ZRANB1: variants seen among roughly 807,000 people sequenced by gnomAD.
ZRANB1 encodes zinc finger RANBP2-type containing 1, also known as ubiquitin thioesterase ZRANB1.
Under a neutral mutation model 80.5 loss-of-function variants are expected in ZRANB1, and 16 were observed. The ratio of observed to expected loss-of-function variants is 0.20; its 90% confidence interval spans 0.13 to 0.30. The LOEUF is 0.30. Ranked by LOEUF, ZRANB1 falls within the 10% of genes least tolerant of loss-of-function variation. The pLI is 1.00. For synonymous variants in ZRANB1, 291 were observed against 293.1 expected (o/e 0.99, Z 0.07); for missense variants, 576 against 862.6 (o/e 0.67, Z 4.16).
chr10:124,944,956 T>C (rs1398470892), intron 1 of ZRANB1, among the ~76,000 whole-genome samples: 1 of 152,036 alleles, frequency 6.6e-6, no homozygotes, highest in Admixed American at 6.5e-5. Context: ...CTATCTTCTG[T>C]CTGTGTTGTC....
intron 1 of ZRANB1, chr10:124,945,474 G>A (rs1951574400): frequency 6.9e-6 from 1 of 145,442 alleles, no homozygotes; most frequent in Non-Finnish European, 1.5e-5. Flanking sequence ...CTACAAGGTG[G>A]TGTTATAGTA....
intron 1 of ZRANB1, among the ~76,000 whole-genome samples, chr10:124,955,261 G>C (rs1951680029): frequency 6.6e-6 from 1 of 151,298 alleles, no homozygotes; most frequent in Non-Finnish European, 1.5e-5. Context: ...TTTGAAACAG[G>C]GTCTTACTGT....
chr10:124,951,746 C>G (rs1320093071), intron 1 of ZRANB1, among the ~76,000 whole-genome samples: 2 of 152,056 alleles, frequency 1.3e-5, no homozygotes, highest in Non-Finnish European at 2.9e-5. Context: ...CACTTGAGGT[C>G]AGGAGTTCAA....
chr10:124,938,253 G>T (rs184564828), upstream of ZRANB1, among the ~76,000 whole-genome samples: 32 of 152,188 alleles, frequency 2.1e-4, no homozygotes, highest in Non-Finnish European at 4.0e-4. Flanking sequence ...ACATAGTTCA[G>T]TTGATGTTAT....
rs1952051069 is a variant in ZRANB1, at chr10:124,986,622, T to TTTG, written c.*1633_*1635dup. On this transcript the variant is annotated 3_prime_UTR_variant, in exon 9 of 9. Coordinates refer to ENST00000359653, the MANE Select transcript of ZRANB1 (RefSeq NM_017580.3). The stretch of plus-strand genomic sequence containing the variant: ...CTTTGATATAATGTAAATGCTGCTG[T>TTTG]TTGTTTCAAGTGGTGAATGTGTTGT... The TTTG allele has an allele frequency of 1.3e-5, 2 of 152,292 alleles. No homozygotes were observed. Among genetic ancestry groups the TTTG allele is most frequent in the African/African-American group, 4.8e-5 (2 of 41,570 alleles). 9.4% of individuals were successfully genotyped at this position (152,292 alleles called of 1,614,324 possible).
At position 124,983,954 on chromosome 10, in the gene ZRANB1, T is replaced by G. The variant is rs1213912880; in HGVS notation, c.1908+266T>G. Among the ~76,000 whole-genome samples, 1 of 151,988 alleles carries G rather than the reference T, an allele frequency of 6.6e-6. No individual in the cohort carries two copies. Among genetic ancestry groups the G allele is most frequent in the Admixed American group, 6.6e-5 (1 of 15,258 alleles). ...GATTTAAATATGGCATTTTAGGGAA[T>G]GAGAAGTGAGTTTTTATCTGAAAGC... On this transcript the variant is annotated intron_variant, in intron 8 of 8. Transcript: ENST00000359653. This position sits in a 1 kb window ranked among gnomAD's most constrained non-coding sequence, Gnocchi z 6.2.
chr10:124,923,265 A>G, the ZRANB1 span, among the ~76,000 whole-genome samples: 1 of 149,362 alleles, frequency 6.7e-6, no homozygotes, highest in African/African-American at 2.6e-5. Context: ...GCGACAGAGC[A>G]AGACTCTGTC....
the ZRANB1 span, among the ~76,000 whole-genome samples, chr10:124,924,697 TTATC>T: frequency 6.6e-6 from 1 of 152,344 alleles, no homozygotes; most frequent in African/African-American, 2.4e-5. Context: ...AGCATTTTGT[TTATC>T]CATTCATTGA....
chr10:124,943,867 T>C (rs928280783), intron 1 of ZRANB1, among the ~76,000 whole-genome samples: 32 of 152,222 alleles, frequency 2.1e-4, no homozygotes, highest in African/African-American at 7.5e-4. Context: ...CTTGTGATGA[T>C]AGAAGCTTTA....
chr10:124,960,864 G>A (rs937847396), intron 1 of ZRANB1, among the ~76,000 whole-genome samples: 9 of 152,180 alleles, frequency 5.9e-5, no homozygotes, highest in Non-Finnish European at 1.2e-4. Flanking sequence ...GGGTAACTTG[G>A]CAGTGTGGCA....
At chr10:124,922,336 A>ATATATATAT in the ZRANB1 span, among the ~76,000 whole-genome samples, 42 of 44,760 alleles carry the variant, frequency 9.4e-4, no homozygotes, top group South Asian at 1.0e-3. Flanking sequence ...GTATATATAT[A>ATATATATAT]TTTTTTTTTT....
chr10:124,935,749 C>A, the ZRANB1 span, among the ~76,000 whole-genome samples: 1 of 152,230 alleles, frequency 6.6e-6, no homozygotes, highest in East Asian at 1.9e-4. Context: ...AGTCATTCAA[C>A]ATGGCCTCTT....
chr10:124,937,100 T>G, the ZRANB1 span, among the ~76,000 whole-genome samples: 1 of 151,926 alleles, frequency 6.6e-6, no homozygotes, highest in Non-Finnish European at 1.5e-5. Context: ...GTAGTATAAC[T>G]TCTCATCATT....
At position 124,983,704 on chromosome 10, in the gene ZRANB1, T is replaced by A. The variant is rs535997447; in HGVS notation, c.1908+16T>A. 2.6e-5 allele frequency: 40 copies of A among 1,550,136 alleles called. No homozygotes were observed. The South Asian group carries it at 3.2e-4, about 12-fold the overall frequency. ...TGCTCAGGAGGTAAGCAGTTTCTCC[T>A]ATGAACTATTTCTAGTAGTGACCTT... On this transcript the variant is annotated intron_variant, in intron 8 of 8. Coordinates refer to ENST00000359653, the MANE Select transcript of ZRANB1 (RefSeq NM_017580.3). This position sits in a 1 kb window ranked among gnomAD's most constrained non-coding sequence, Gnocchi z 6.2.
chr10:124,922,618 G>C, the ZRANB1 span, among the ~76,000 whole-genome samples: 1 of 151,326 alleles, frequency 6.6e-6, no homozygotes, highest in East Asian at 2.0e-4. Flanking sequence ...TCAGCCTTCT[G>C]AGTAGCTGGG....
At chr10:124,973,513 T>C in intron 3 of ZRANB1, 132 bp from the exon 4 acceptor site, 1 of 745,170 alleles carries the variant, frequency 1.3e-6, no homozygotes, top group Admixed American at 2.6e-5. Context: ...GAAAAAGCTA[T>C]CTGATAACCT....
the ZRANB1 span, among the ~76,000 whole-genome samples, chr10:124,919,047 A>G: frequency 6.6e-6 from 1 of 152,142 alleles, no homozygotes; most frequent in Non-Finnish European, 1.5e-5. Context: ...ATGGTAATAT[A>G]TTTTAAGCTC....
the ZRANB1 span, among the ~76,000 whole-genome samples, chr10:124,918,442 G>T: frequency 1.3e-4 from 20 of 152,148 alleles, no homozygotes; most frequent in African/African-American, 4.6e-4. Context: ...TGCCCGCCTC[G>T]GCCTTCCAAA....
chr10:124,985,213 A>G lies in ZRANB1; in HGVS notation c.*221A>G, dbSNP rs1952006502. ...TGGACTACAGTTTGTAAAAAAAACT[A>G]ATTTTATTAAGACAGAACTTTTTTT... On this transcript the variant is annotated 3_prime_UTR_variant, in exon 9 of 9. Coordinates refer to ENST00000359653, the MANE Select transcript of ZRANB1 (RefSeq NM_017580.3). 2.2e-6 allele frequency: 1 copy of G among 459,670 alleles called. No homozygotes were observed. Among genetic ancestry groups the G allele is most frequent in the South Asian group, 4.9e-5 (1 of 20,258 alleles). 28.5% of individuals were successfully genotyped at this position (459,670 alleles called of 1,614,324 possible). A position where few individuals can be genotyped will look rare whatever the true frequency, so the allele number is the denominator to read the frequency against.
Sources: allele counts gnomAD v4.1 joint callset (sites outside exome capture counted in the v4.1 genomes callset), GRCh38; gene constraint gnomAD v4.1.1; non-coding constraint Gnocchi (gnomAD v3.1); transcripts MANE v1.5; gene names NCBI Gene and HGNC (gene_info 2026-07-23, HGNC 2026-07-21).